Variants in ABCC9 observed in about 807,000 individuals in gnomAD.
The protein encoded by ABCC9 is ATP binding cassette subfamily C member 9.
Under a neutral mutation model 188.3 loss-of-function variants are expected in ABCC9, and 95 were observed. The ratio of observed to expected loss-of-function variants is 0.50; its 90% confidence interval spans 0.43 to 0.60. ABCC9 has a LOEUF of 0.60. ABCC9 is among the 20% of genes least tolerant of loss of function. The pLI is 0.00. For synonymous variants in ABCC9, 659 were observed against 652.7 expected, an observed-to-expected ratio of 1.01 and a Z score of -0.15; for missense variants, 1,102 against 1,876.3, an observed-to-expected ratio of 0.59 and a Z score of 7.62.
At chr12:21,830,493 C>T (rs1943693045) in intron 30 of ABCC9, among the ~76,000 whole-genome samples, 1 of 152,156 alleles carries the variant, frequency 6.6e-6, no homozygotes, top group South Asian at 2.1e-4. Context: ...GGATAAAACA[C>T]TTCCCCCACT....
chr12:21,940,496 A>G (rs1484236162), intron 2 of ABCC9, among the ~76,000 whole-genome samples: 1 of 152,226 alleles, frequency 6.6e-6, no homozygotes, highest in Non-Finnish European at 1.5e-5. Flanking sequence ...GGCTATAACT[A>G]TGACAGATCC....
At chr12:21,834,690 CATCT>C (rs1275780856) in intron 30 of ABCC9, among the ~76,000 whole-genome samples, 1 of 151,400 alleles carries the variant, frequency 6.6e-6, no homozygotes, top group Non-Finnish European at 1.5e-5. Context: ...TTTTTCCATC[CATCT>C]GTTCCTTTCA....
chr12:21,872,854 A>G lies in ABCC9; in HGVS notation c.2093-124T>C. ...GGCCCAGTTTTGATCTCCAGCAGTA[A>G]GGTATTCTAAACAGCTCCTTTCTCT... On this transcript the variant is annotated intron_variant, in intron 17 of 39. Transcript: ENST00000261200. The G allele has an allele frequency of 7.7e-6, 6 of 782,182 alleles. 1 individual carries two copies. In the South Asian group the frequency reaches 8.4e-5, roughly 11 times the overall value. The allele number at this position is 782,182 out of a possible 1,614,324, so 48.5% of individuals were successfully genotyped here.
intron 31 of ABCC9, 50 bp downstream of exon 31, chr12:21,828,908 A>G (rs552041735): frequency 7.0e-7 from 1 of 1,432,344 alleles, no homozygotes; most frequent in South Asian, 1.1e-5. Flanking sequence ...TCTTTGCAGC[A>G]GGCGTCTTCT....
chr12:21,916,800 G>T, intron 6 of ABCC9, 137 bp downstream of exon 6: 1 of 719,828 alleles, frequency 1.4e-6, no homozygotes, highest in Non-Finnish European at 2.1e-6. Context: ...TTAGTGATTA[G>T]TTCAACTTTA....
intron 11 of ABCC9, among the ~76,000 whole-genome samples, chr12:21,906,784 A>G (rs2137841844): frequency 6.6e-6 from 1 of 152,244 alleles, no homozygotes; most frequent in South Asian, 2.1e-4. Context: ...TTGCATCTTC[A>G]TAACACAGTT....
intron 12 of ABCC9, among the ~76,000 whole-genome samples, chr12:21,905,319 C>G (rs1947986679): frequency 6.6e-6 from 1 of 151,492 alleles, no homozygotes; most frequent in African/African-American, 2.4e-5. Flanking sequence ...ATGTAAATGA[C>G]AAGTTAATGG....
intron 12 of ABCC9, among the ~76,000 whole-genome samples, chr12:21,901,551 A>G (rs995746128): frequency 2.6e-5 from 4 of 152,240 alleles, no homozygotes; most frequent in African/African-American, 9.6e-5. Flanking sequence ...TGCTGTATTC[A>G]GGAAACCCAT....
At chr12:21,895,348 T>C in intron 12 of ABCC9, 33 bp from the exon 13 acceptor site, 1 of 1,582,630 alleles carries the variant, frequency 6.3e-7, no homozygotes, top group Admixed American at 1.7e-5. Flanking sequence ...TTAGTTTCAT[T>C]GAACTGTGAA....
chr12:21,801,935 G>GT (rs1941461747), intron 39 of ABCC9, among the ~76,000 whole-genome samples: 1 of 152,176 alleles, frequency 6.6e-6, no homozygotes, highest in Non-Finnish European at 1.5e-5. Context: ...CACATAGATA[G>GT]TAAGTAGCAG....
In ABCC9 at chr12:21,818,311, A is replaced by G. The variant is rs3741842; in HGVS notation, c.3670-60T>C. 763 of 1,299,914 alleles carry G rather than the reference A, an allele frequency of 5.9e-4. 1 individual carries two copies. The African/African-American group carries it at 8.5e-3, about 15-fold the overall frequency. 80.5% of individuals were successfully genotyped at this position (1,299,914 alleles called of 1,614,324 possible). On this transcript the variant is annotated intron_variant, in intron 31 of 39. Coordinates refer to ENST00000261200, the MANE Select transcript of ABCC9 (RefSeq NM_020297.4). Reference sequence around the variant, plus strand: ...CTCCCAAGTTCTTAAACCAAGTTCAATCAATTTACAGAGGTGATCACTAAG... The same window carrying G: ...CTCCCAAGTTCTTAAACCAAGTTCAGTCAATTTACAGAGGTGATCACTAAG...
At chr12:21,920,931 T>C (rs1233098333) in intron 5 of ABCC9, among the ~76,000 whole-genome samples, 1 of 152,080 alleles carries the variant, frequency 6.6e-6, no homozygotes, top group Non-Finnish European at 1.5e-5. Flanking sequence ...TAGGACTCCA[T>C]TGTGGTACAT....
At chr12:21,834,349 A>G (rs1463080905) in intron 30 of ABCC9, among the ~76,000 whole-genome samples, 5 of 152,106 alleles carry the variant, frequency 3.3e-5, no homozygotes, top group Non-Finnish European at 4.4e-5. Context: ...TGGCACTTAT[A>G]TGTCATTGAG....
chr12:21,856,137 A>G (rs969126188), intron 22 of ABCC9, among the ~76,000 whole-genome samples: 1 of 152,194 alleles, frequency 6.6e-6, no homozygotes, highest in Non-Finnish European at 1.5e-5. Flanking sequence ...TATATGCCAT[A>G]GCTTCATGGT....
intron 29 of ABCC9, among the ~76,000 whole-genome samples, chr12:21,840,287 C>A (rs1362132856): frequency 6.6e-6 from 1 of 152,162 alleles, no homozygotes; most frequent in African/African-American, 2.4e-5. Context: ...TTCTAAAGAA[C>A]CTCAACATCT....
chr12:21,871,573 TG>T (rs562359323), intron 18 of ABCC9, among the ~76,000 whole-genome samples: 134 of 152,326 alleles, frequency 8.8e-4, no homozygotes, highest in African/African-American at 2.9e-3. Context: ...GAGAGATGTC[TG>T]TGTATGTAAA....
chr12:21,888,533 A>G (rs1002277539), intron 14 of ABCC9, among the ~76,000 whole-genome samples: 1 of 152,120 alleles, frequency 6.6e-6, no homozygotes, highest in Non-Finnish European at 1.5e-5. Flanking sequence ...CAGCATCAGC[A>G]TCAACTGGGA....
At chr12:21,913,624 T>G (rs184510604) in intron 7 of ABCC9, among the ~76,000 whole-genome samples, 1 of 152,200 alleles carries the variant, frequency 6.6e-6, no homozygotes, top group African/African-American at 2.4e-5. Context: ...GTCAATACTT[T>G]AAAAAATTAT....
In ABCC9 at chr12:21,939,036, C is replaced by T. The variant is rs537197763; in HGVS notation, c.-21+1674G>A. ...AACAGTTTCTGTGGTTTTATTTAGA[C>T]TGTATGAATCAGATTACAGTAGTCT... On this transcript the variant is annotated intron_variant, in intron 2 of 39. Transcript: ENST00000261200. Among the ~76,000 whole-genome samples, 30 of 152,288 alleles carry T rather than the reference C, an allele frequency of 2.0e-4. No homozygotes were observed. In the South Asian group the frequency reaches 6.2e-3, roughly 32 times the overall value.
Sources: gnomAD v4.1 joint callset for allele counts (sites outside exome capture counted in the v4.1 genomes callset) on GRCh38, gnomAD v4.1.1 for gene constraint, MANE v1.5 for transcripts, NCBI Gene and HGNC (gene_info 2026-07-23, HGNC 2026-07-21) for gene names.